Variants in ANK2 observed in about 807,000 individuals in gnomAD.
ANK2 encodes the protein ankyrin-2.
In ANK2, 83 loss-of-function variants were observed where a neutral mutation model predicts 360.5. The ratio of observed to expected loss-of-function variants is 0.23; its 90% CI spans 0.19 to 0.28. The LOEUF (loss-of-function observed/expected upper bound fraction) is 0.28, where lower values mean the gene tolerates loss of function less well. ANK2 is among the 10% of genes least tolerant of loss of function. The probability of loss-of-function intolerance (pLI) is 1.00; values close to 1 mark genes in which losing one functional copy is unlikely to be tolerated. For missense variants in ANK2, 4,201 were observed against 4,795.7 expected (o/e 0.88, Z 3.66); for synonymous variants, 1,740 against 1,759.5 (o/e 0.99, Z 0.28).
intron 1 of ANK2, among the ~76,000 whole-genome samples, chr4:112,851,661 T>C (rs2065027224): frequency 6.6e-6 from 1 of 151,958 alleles, no homozygotes; most frequent in Non-Finnish European, 1.5e-5. Flanking sequence ...TCTTGCTCTG[T>C]CACCCAGGCT....
intron 11 of ANK2, 93 bp from the exon 12 acceptor site, chr4:113,257,957 C>T (rs143806173): frequency 1.2e-5 from 14 of 1,171,826 alleles, no homozygotes; most frequent in South Asian, 5.0e-5. Flanking sequence ...CATTATGTGA[C>T]GATGTAACAT....
chr4:113,179,330 C>T (rs1294594862), intron 2 of ANK2, among the ~76,000 whole-genome samples: 1 of 152,196 alleles, frequency 6.6e-6, no homozygotes, highest in Non-Finnish European at 1.5e-5. Context: ...ATCTGAGCTG[C>T]ACCAGCTTTC....
chr4:112,816,458 TATG>T (rs921632703), upstream of ANK2, among the ~76,000 whole-genome samples: 2 of 152,042 alleles, frequency 1.3e-5, no homozygotes, highest in Admixed American at 1.3e-4. Flanking sequence ...ACAAATTTAT[TATG>T]ATATTAGTAA....
chr4:113,077,473 TG>T (rs2080574824), intron 1 of ANK2, among the ~76,000 whole-genome samples: 2 of 152,316 alleles, frequency 1.3e-5, no homozygotes, highest in Admixed American at 1.3e-4. Context: ...TTTTAAAATC[TG>T]GGTTGTTTTA....
chr4:113,310,588 TG>T (rs1267275944), intron 23 of ANK2, among the ~76,000 whole-genome samples: 1 of 152,154 alleles, frequency 6.6e-6, no homozygotes, highest in Non-Finnish European at 1.5e-5. Context: ...AGCTAATTTT[TG>T]TATTTTTAGT....
At chr4:112,771,590 C>CT in the ANK2 span, among the ~76,000 whole-genome samples, 79,221 of 147,216 alleles carry the variant, frequency 0.54, 21,674 homozygotes, top group East Asian at 0.91. Context: ...GCTGGGGAAA[C>CT]TTTTTTTTTT....
intron 26 of ANK2, among the ~76,000 whole-genome samples, chr4:113,324,667 A>G: frequency 6.6e-6 from 1 of 152,212 alleles, no homozygotes; most frequent in East Asian, 1.9e-4. Context: ...AATTTGGAGA[A>G]TTAGGAAGGA....
At chr4:113,199,919 T>A (rs2153409996) in intron 4 of ANK2, among the ~76,000 whole-genome samples, 1 of 152,326 alleles carries the variant, frequency 6.6e-6, no homozygotes, top group African/African-American at 2.4e-5. Flanking sequence ...TGTGTAGGAA[T>A]ATGTATTAAC....
the ANK2 span, among the ~76,000 whole-genome samples, chr4:112,726,777 G>A: frequency 2.7e-5 from 4 of 150,634 alleles, no homozygotes; most frequent in Admixed American, 2.6e-4. Flanking sequence ...CGTGAACCTG[G>A]GAGGCGGAGC....
At chr4:113,302,679 C>A in intron 22 of ANK2, 88 bp from the exon 23 acceptor site, 1 of 994,146 alleles carries the variant, frequency 1.0e-6, no homozygotes, top group Non-Finnish European at 1.6e-6. Flanking sequence ...CTTGCTGCTG[C>A]TGTTGAGTGT....
chr4:112,793,990 C>G, the ANK2 span, among the ~76,000 whole-genome samples: 1 of 152,106 alleles, frequency 6.6e-6, no homozygotes, highest in Non-Finnish European at 1.5e-5. Context: ...AGCCACTGTG[C>G]CCAGCCAATA....
rs1455656174 is a variant in ANK2, at chr4:113,353,840, C to T, written c.5222C>T (p.Pro1741Leu). 5 of 1,613,920 alleles carry T rather than the reference C, an allele frequency of 3.1e-6. No individual in the cohort carries two copies. Among genetic ancestry groups the T allele is most frequent in the Non-Finnish European group, 3.4e-6 (4 of 1,179,960 alleles). The change falls in exon 38 of 46, where the codon CCA (proline) becomes CTA (leucine). Residue 1741 changes from proline (P) to leucine (L), a missense_variant. Coordinates refer to ENST00000357077, the MANE Select transcript of ANK2 (RefSeq NM_001148.6). ...GSSEESLGED[P>L]GLAPEPLPTV... ...TCAGAAGAGTCATTAGGTGAAGACC[C>T]AGGTTTAGCCCCTGAACCCCTTCCC...
chr4:112,955,693 T>A (rs72894406), intron 2 of ANK2, among the ~76,000 whole-genome samples: 15,047 of 152,170 alleles, frequency 0.099, 1,282 homozygotes, highest in African/African-American at 0.24. Flanking sequence ...TGCTATATGT[T>A]GTAATATGCC....
At chr4:113,103,438 A>G (rs958266635) in intron 1 of ANK2, among the ~76,000 whole-genome samples, 2 of 152,176 alleles carry the variant, frequency 1.3e-5, no homozygotes, top group African/African-American at 4.8e-5. Context: ...ATTATCTAAG[A>G]CTGAAGATTT....
chr4:112,806,076 CTCTT>C, the ANK2 span, among the ~76,000 whole-genome samples: 1 of 152,142 alleles, frequency 6.6e-6, no homozygotes, highest in African/African-American at 2.4e-5. Context: ...CAACATTCCT[CTCTT>C]TTAGTTATTT....
the ANK2 span, among the ~76,000 whole-genome samples, chr4:112,808,432 T>A: frequency 1.3e-5 from 2 of 152,178 alleles, no homozygotes; most frequent in Non-Finnish European, 2.9e-5. Context: ...AGAGCAGAAC[T>A]AAAACCAGTG....
chr4:113,196,326 C>A, intron 2 of ANK2, 42 bp from the exon 3 acceptor site: 1 of 1,507,414 alleles, frequency 6.6e-7, no homozygotes, highest in South Asian at 1.2e-5. Flanking sequence ...CTATTTTCCT[C>A]ATTACTTCAC....
At chr4:113,008,696 T>C (rs1250106078) in intron 2 of ANK2, among the ~76,000 whole-genome samples, 1 of 152,102 alleles carries the variant, frequency 6.6e-6, no homozygotes, top group African/African-American at 2.4e-5. Context: ...GAAATGGTCA[T>C]TTTCCATTTT....
intron 23 of ANK2, among the ~76,000 whole-genome samples, chr4:113,310,659 C>T (rs1378146162): frequency 1.3e-5 from 2 of 152,182 alleles, no homozygotes; most frequent in African/African-American, 2.4e-5. Flanking sequence ...TCAGGTGATC[C>T]ACCTGCCTCA....
Sources: gnomAD v4.1 joint callset for allele counts (sites outside exome capture counted in the v4.1 genomes callset) on GRCh38, gnomAD v4.1.1 for gene constraint, MANE v1.5 for transcripts, NCBI Gene and HGNC (gene_info 2026-07-23, HGNC 2026-07-21) for gene names.